Variants in FAT1 observed in about 807,000 individuals in gnomAD.
The protein encoded by FAT1 is protocadherin Fat 1.
Under a neutral mutation model 329.8 loss-of-function variants are expected in FAT1, and 171 were observed. The observed-to-expected ratio is 0.52, with a 90% CI of 0.46 to 0.59. FAT1 has a LOEUF of 0.59. FAT1 is among the 20% of genes least tolerant of loss of function. The probability of loss-of-function intolerance (pLI) is 0.00; values close to 1 mark genes in which losing one functional copy is unlikely to be tolerated. For missense variants in FAT1, 5,672 were observed against 5,774.4 expected (o/e 0.98, Z 0.57); for synonymous variants, 2,233 against 2,228.6 (o/e 1.00, Z -0.06).
intron 9 of FAT1, among the ~76,000 whole-genome samples, chr4:186,627,800 A>C (rs898986209): frequency 6.6e-6 from 1 of 152,236 alleles, no homozygotes; most frequent in Non-Finnish European, 1.5e-5. Flanking sequence ...CTAGGCAAGC[A>C]GCTTCCTAAG....
chr4:186,677,764 G>A (rs1560986402), intron 2 of FAT1, among the ~76,000 whole-genome samples: 1 of 152,024 alleles, frequency 6.6e-6, no homozygotes, highest in Non-Finnish European at 1.5e-5. Flanking sequence ...ATCTCATAAA[G>A]TACTTTGAAA....
intron 2 of FAT1, among the ~76,000 whole-genome samples, chr4:186,673,815 T>C (rs1742834977): frequency 6.6e-6 from 1 of 152,190 alleles, no homozygotes; most frequent in African/African-American, 2.4e-5. Flanking sequence ...TGCTAAACCA[T>C]GTTGTCCCGC....
intron 26 of FAT1, chr4:186,590,350 C>T: frequency 1.6e-6 from 2 of 1,285,786 alleles, no homozygotes; most frequent in Non-Finnish European, 2.0e-6. Flanking sequence ...CAATGAATAA[C>T]TGGCATGCAT....
intron 2 of FAT1, among the ~76,000 whole-genome samples, chr4:186,694,948 C>A (rs575457456): frequency 6.6e-6 from 1 of 152,084 alleles, no homozygotes; most frequent in Non-Finnish European, 1.5e-5. Flanking sequence ...GGCAACAGAG[C>A]GAGACTCCAT....
chr4:186,622,216 T>TTAA (rs929326313), intron 9 of FAT1, among the ~76,000 whole-genome samples: 79 of 152,342 alleles, frequency 5.2e-4, no homozygotes, highest in African/African-American at 1.9e-3. Context: ...AAGATTTCGA[T>TTAA]TCAGTAAGAA....
At chr4:186,656,650 A>G (rs1463995988) in intron 3 of FAT1, among the ~76,000 whole-genome samples, 1 of 152,186 alleles carries the variant, frequency 6.6e-6, no homozygotes, top group African/African-American at 2.4e-5. Context: ...GAGGACTGAG[A>G]AGTGCCATTC....
At chr4:186,685,664 T>C (rs1432704865) in intron 2 of FAT1, among the ~76,000 whole-genome samples, 1 of 152,244 alleles carries the variant, frequency 6.6e-6, no homozygotes, top group Admixed American at 6.5e-5. Context: ...TATTCTACAA[T>C]TAAAACATAA....
chr4:186,662,929 C>T (rs13114069), intron 3 of FAT1, among the ~76,000 whole-genome samples: 47,340 of 151,920 alleles, frequency 0.31, 8,653 homozygotes, highest in South Asian at 0.48. Context: ...CTCCGCCCCC[C>T]GGGTTCACGC....
chr4:186,708,805 T>C lies in FAT1; in HGVS notation c.1023A>G (p.Lys341=), dbSNP rs1041828456. The change falls in exon 2 of 27, where the codon AAA becomes AAG. Residue 341 remains lysine, a synonymous_variant. Coordinates refer to ENST00000441802, the MANE Select transcript of FAT1 (RefSeq NM_005245.4). The part of the protein sequence containing the change: ...GYNLTLQAKD[K]GTPPQFSSVK... ...CAGAAGAGAACTGGGGCGGAGTTCC[T>C]TTATCTTTAGCCTGTAGTGTGAGAT... 2 of 1,613,892 alleles carry C rather than the reference T, an allele frequency of 1.2e-6. No individual in the cohort carries two copies. The highest frequency in any genetic ancestry group is 2.7e-5 in the African/African-American group (2 of 74,930).
rs561981584 is a variant in FAT1, at chr4:186,651,709, T to C, written c.3580+11590A>G. Among the ~76,000 whole-genome samples, 4 of 152,286 alleles carry C rather than the reference T, an allele frequency of 2.6e-5. No individual in the cohort carries two copies. In the East Asian group the frequency reaches 5.8e-4, roughly 22 times the overall value. On this transcript the variant is annotated intron_variant, in intron 3 of 26. Transcript: ENST00000441802. Reference sequence around the variant, plus strand: ...GTCCTCCGCTTCTGCAAAACACAGATTGCCTTGCTGGCCACGAGCAAACAC... The same window carrying C: ...GTCCTCCGCTTCTGCAAAACACAGACTGCCTTGCTGGCCACGAGCAAACAC...
At chr4:186,710,596 C>T (rs1204498219) in intron 1 of FAT1, among the ~76,000 whole-genome samples, 2 of 152,174 alleles carry the variant, frequency 1.3e-5, no homozygotes, top group Admixed American at 1.3e-4. Flanking sequence ...TGTCAAACAG[C>T]ATTTTTCCTC....
chr4:186,686,656 T>C (rs1743486894), intron 2 of FAT1, among the ~76,000 whole-genome samples: 1 of 152,208 alleles, frequency 6.6e-6, no homozygotes, highest in Non-Finnish European at 1.5e-5. Context: ...CCTGTGCCTT[T>C]TATCCGCCTC....
Position 186,723,729 on chromosome 4 carries a change from C to G in FAT1, c.-84G>C, listed in dbSNP as rs1372769747. On this transcript the variant is annotated 5_prime_UTR_variant, in exon 1 of 27. Transcript: ENST00000441802. The stretch of plus-strand genomic sequence containing the variant: ...CTCACCCGCCGTCTCAGCGCGCCCC[C>G]GAGCAGGGACCGGGCCTGCCGGGGC... 6.6e-6 allele frequency: 1 copy of G among 151,268 alleles called. No individual in the cohort carries two copies. The highest frequency in any genetic ancestry group is 1.5e-5 in the Non-Finnish European group (1 of 67,794). 9.4% of individuals were successfully genotyped at this position (151,268 alleles called of 1,614,324 possible).
At chr4:186,678,037 T>C (rs1467155598) in intron 2 of FAT1, among the ~76,000 whole-genome samples, 2 of 152,208 alleles carry the variant, frequency 1.3e-5, no homozygotes, top group African/African-American at 4.8e-5. Context: ...AAGAGAGCTG[T>C]TCTTTAACAA....
At chr4:186,604,990 G>A (rs373662178) in intron 17 of FAT1, among the ~76,000 whole-genome samples, 50 of 151,938 alleles carry the variant, frequency 3.3e-4, no homozygotes, top group South Asian at 1.0e-3. Context: ...AGGCTGAGGC[G>A]GGCGGATCAC....
chr4:186,715,872 C>A (rs760205311), intron 1 of FAT1, among the ~76,000 whole-genome samples: 3 of 152,148 alleles, frequency 2.0e-5, no homozygotes, highest in African/African-American at 7.2e-5. Context: ...TCTATAAATA[C>A]GGCAGAAAAA....
rs571864590 is a variant in FAT1, at chr4:186,595,317, G to T, written c.13138+372C>A. On this transcript the variant is annotated intron_variant, in intron 26 of 26. Coordinates refer to ENST00000441802, the MANE Select transcript of FAT1 (RefSeq NM_005245.4). ...AGGGGGTGTGTGTGTGTGTGTGTGT[G>T]AGAGAGAGTGTGTGTTTGTGTGCGT... 1.3e-4 allele frequency among the ~76,000 whole-genome samples: 19 copies of T among 149,502 alleles called. 1 individual carries two copies. In the East Asian group the frequency reaches 1.4e-3, roughly 11 times the overall value.
rs1484672603 is a variant in FAT1, at chr4:186,723,672, T to G, written c.-27A>C. On this transcript the variant is annotated 5_prime_UTR_variant, in exon 1 of 27. Coordinates refer to ENST00000441802, the MANE Select transcript of FAT1 (RefSeq NM_005245.4). The stretch of plus-strand genomic sequence containing the variant: ...CGCCCCAGCGAACTAACCGCAAAGT[T>G]GGCCCGAAGTGGCGACGGCGCTCTC... 14 of 150,354 alleles carry G rather than the reference T, an allele frequency of 9.3e-5. No homozygotes were observed. The highest frequency in any genetic ancestry group is 1.8e-4 in the Non-Finnish European group (12 of 67,662). The allele number at this position is 150,354 out of a possible 1,614,324, so 9.3% of individuals were successfully genotyped here. A position where few individuals can be genotyped will look rare whatever the true frequency, so the allele number is the denominator to read the frequency against.
At chr4:186,726,026 C>T (rs987287064), upstream of FAT1, among the ~76,000 whole-genome samples, 3 of 152,218 alleles carry the variant, frequency 2.0e-5, no homozygotes, top group African/African-American at 7.2e-5. Flanking sequence ...GAGGGCGCTG[C>T]GCCCCTGCAA....
Sources: gnomAD v4.1 joint callset for allele counts (sites outside exome capture counted in the v4.1 genomes callset) on GRCh38, gnomAD v4.1.1 for gene constraint, MANE v1.5 for transcripts, NCBI Gene and HGNC (gene_info 2026-07-23, HGNC 2026-07-21) for gene names.